RIF1: variants seen among roughly 807,000 people sequenced by gnomAD.
RIF1 encodes the protein telomere-associated protein RIF1.
Under a neutral mutation model 247.1 loss-of-function variants are expected in RIF1, and 45 were observed. The observed-to-expected ratio is 0.18, with a 90% CI of 0.14 to 0.23. RIF1 has a LOEUF of 0.23. Ranked by LOEUF, RIF1 falls within the 10% of genes least tolerant of loss-of-function variation. The pLI, the probability that RIF1 is intolerant of heterozygous loss-of-function variation, is 1.00. For synonymous variants in RIF1, 1,087 were observed against 978.8 expected, an observed-to-expected ratio of 1.11 and a Z score of -2.06; for missense variants, 2,967 against 2,862.5, an observed-to-expected ratio of 1.04 and a Z score of -0.83.
At chr2:151,434,980 T>C (rs1690896891) in intron 10 of RIF1, among the ~76,000 whole-genome samples, 1 of 152,190 alleles carries the variant, frequency 6.6e-6, no homozygotes, top group African/African-American at 2.4e-5. Flanking sequence ...AGTTTTAAAT[T>C]TATATAACAT....
intron 10 of RIF1, among the ~76,000 whole-genome samples, chr2:151,499,045 CTTAGACACTGAGAATG>C (rs1480772658): frequency 6.7e-6 from 1 of 149,138 alleles, no homozygotes; most frequent in Non-Finnish European, 1.5e-5. Flanking sequence ...AATGTGGATG[CTTAGACACTGAGAATG>C]TTACATTTGT....
At chr2:151,513,453 C>T in the RIF1 span, 7 of 685,872 alleles carry the variant, frequency 1.0e-5, no homozygotes, top group South Asian at 1.4e-4. Flanking sequence ...TTCCTCCAGG[C>T]AGATGTTCAA....
Position 151,464,109 on chromosome 2 carries a change from T to G in RIF1, c.4589T>G (p.Val1530Gly), listed in dbSNP as rs1212451050. 6.2e-7 allele frequency: 1 copy of G among 1,612,526 alleles called. No individual in the cohort carries two copies. The highest frequency in any genetic ancestry group is 1.7e-5 in the Admixed American group (1 of 59,722). The change falls in exon 30 of 36, where the codon GTC becomes GGC. Residue 1530 changes from valine to glycine, a missense_variant. This residue lies in a region of RIF1 where 2,028 missense variants were observed against 1,825.6 expected (regional missense o/e 1.11). Coordinates refer to ENST00000444746, the MANE Select transcript of RIF1 (RefSeq NM_018151.5). The part of the protein sequence containing the change: ...DIVDKSSEKL[V>G]RGRTRYQTRR... ...GTAGATAAGTCCTCTGAGAAACTAG[T>G]CAGAGGCCGAACACGGTATCAAACT...
At chr2:151,492,165 T>C (rs2152821661) in intron 9 of RIF1, 1 of 1,613,926 alleles carries the variant, frequency 6.2e-7, no homozygotes, top group Non-Finnish European at 8.5e-7. Context: ...TCTGAATACC[T>C]CGGTAGTTAA....
intron 1 of RIF1, 141 bp downstream of exon 1, chr2:151,410,174 CG>C: frequency 1.5e-6 from 1 of 647,130 alleles, no homozygotes; most frequent in African/African-American, 1.8e-5. Context: ...GAAAGCTGCC[CG>C]GGAAAGTGGT....
At chr2:151,515,597 C>G in the RIF1 span, among the ~76,000 whole-genome samples, 2 of 152,252 alleles carry the variant, frequency 1.3e-5, no homozygotes, top group South Asian at 4.2e-4. Flanking sequence ...ACTCTGCCTC[C>G]CTGCCCCATC....
In RIF1 at chr2:151,416,905, T is replaced by C. The variant is rs1430744268; in HGVS notation, c.503+4T>C. 6.3e-7 allele frequency: 1 copy of C among 1,589,276 alleles called. No individual in the cohort carries two copies. The highest frequency in any genetic ancestry group is 1.3e-5 in the African/African-American group (1 of 74,374). On this transcript the variant is annotated splice_donor_region_variant and intron_variant, in intron 6 of 35. Transcript: ENST00000444746. The stretch of plus-strand genomic sequence containing the variant: ...AAGCATTAAATGTTATCGTAAGGTA[T>C]GCATTTGGATGTTGTGCAAATTGAA...
chr2:151,506,141 G>C (rs1321125901), intron 12 of RIF1: 1 of 1,551,024 alleles, frequency 6.4e-7, no homozygotes, highest in Admixed American at 1.7e-5. Flanking sequence ...AGAAAATATT[G>C]CAAGTGCATT....
At chr2:151,527,956 C>G in the RIF1 span, among the ~76,000 whole-genome samples, 21 of 152,218 alleles carry the variant, frequency 1.4e-4, 1 homozygote, top group East Asian at 3.9e-3. Context: ...TTATTTTCTG[C>G]CAGGCACTTT....
the RIF1 span, among the ~76,000 whole-genome samples, chr2:151,531,633 G>A: frequency 6.6e-6 from 1 of 151,946 alleles, no homozygotes; most frequent in Non-Finnish European, 1.5e-5. Context: ...ATTCTTTATT[G>A]GGGAGGAGAA....
rs73004072 is a variant in RIF1, at chr2:151,410,547, G to A, written c.104+20G>A. The A allele has an allele frequency of 0.078, 123,448 of 1,592,356 alleles. 7,692 individuals are homozygous for A. The highest frequency in any genetic ancestry group is 0.31 in the African/African-American group (23,405 of 74,684). Reference sequence around the variant, plus strand: ...GACCAGGTGAGGTCCGCCACGGGGCGTAGCGGAGAGTGGGGCGCTCTATAG... The same window carrying A: ...GACCAGGTGAGGTCCGCCACGGGGCATAGCGGAGAGTGGGGCGCTCTATAG... On this transcript the variant is annotated intron_variant, in intron 2 of 35. Transcript: ENST00000444746.
At position 151,464,163 on chromosome 2, in the gene RIF1, G is replaced by C. The variant is rs555549721; in HGVS notation, c.4643G>C (p.Ser1548Thr). 1.7e-5 allele frequency: 27 copies of C among 1,609,834 alleles called. No individual in the cohort carries two copies. In the South Asian group the frequency reaches 2.3e-4, roughly 14 times the overall value. Residue 1548 changes from serine (S) to threonine (T), a missense_variant, in exon 30 of 36, where the codon AGC (serine) becomes ACC (threonine). Ser to Thr is a moderately conservative substitution (Grantham distance 58). Coordinates refer to ENST00000444746, the MANE Select transcript of RIF1 (RefSeq NM_018151.5). ...AGAGCATCTCAGGGTTTGCTTTCCA[G>C]CATTGAAAACTCAGAATCTGATAGT... ...TRRASQGLLS[S>T]IENSESDSSE...
At chr2:151,431,191 T>C (rs1487341643) in intron 9 of RIF1, among the ~76,000 whole-genome samples, 5 of 152,218 alleles carry the variant, frequency 3.3e-5, no homozygotes, top group African/African-American at 1.2e-4. Context: ...CAGATGACTG[T>C]ATTTTTACTC....
chr2:151,513,485 A>C, the RIF1 span: 1 of 866,064 alleles, frequency 1.2e-6, no homozygotes, highest in Admixed American at 2.4e-5. Flanking sequence ...TATGCATGTG[A>C]CTGTCACCAA....
chr2:151,468,179 T>G, intron 31 of RIF1, 33 bp downstream of exon 31: 2 of 1,543,104 alleles, frequency 1.3e-6, no homozygotes, highest in Non-Finnish European at 1.8e-6. Context: ...TACATATATG[T>G]ATACCGACAC....
At chr2:151,423,727 T>C (rs1413871964) in intron 8 of RIF1, 2 of 152,250 alleles carry the variant, frequency 1.3e-5, no homozygotes, top group Non-Finnish European at 2.9e-5. Flanking sequence ...CCATAACTAC[T>C]ATGAATAATG....
chr2:151,524,239 A>G, the RIF1 span: 1 of 1,298,124 alleles, frequency 7.7e-7, no homozygotes, highest in Non-Finnish European at 1.1e-6. Context: ...TTCAATCTGG[A>G]AATCACTTCT....
Position 151,434,786 on chromosome 2 carries a change from C to T in RIF1, c.1078-677C>T, listed in dbSNP as rs147577985. 2.3e-3 allele frequency among the ~76,000 whole-genome samples: 352 copies of T among 152,012 alleles called. 9 individuals carry two copies. In the East Asian group the frequency reaches 0.046, roughly 20 times the overall value. ...TTAAAAGGAGCAGCTCTGCTAACAT[C>T]TTTTTCATTTCTTTATCACTTATTT... On this transcript the variant is annotated intron_variant, in intron 10 of 35. Coordinates refer to ENST00000444746, the MANE Select transcript of RIF1 (RefSeq NM_018151.5).
chr2:151,527,541 C>T, the RIF1 span: 1 of 1,613,500 alleles, frequency 6.2e-7, no homozygotes, highest in South Asian at 1.1e-5. Flanking sequence ...CAGGAGTCCA[C>T]TTCCAGTGGG....
Sources: allele counts gnomAD v4.1 joint callset (sites outside exome capture counted in the v4.1 genomes callset), GRCh38; gene constraint gnomAD v4.1.1; regional missense constraint gnomAD v4.1.1; transcripts MANE v1.5; gene names NCBI Gene and HGNC (gene_info 2026-07-23, HGNC 2026-07-21).